Variants in MAP6 observed in about 807,000 individuals in gnomAD.
The protein encoded by MAP6 is microtubule-associated protein 6.
Under a neutral mutation model 42.4 loss-of-function variants are expected in MAP6, and 26 were observed. The observed-to-expected ratio is 0.61, with a 90% CI of 0.45 to 0.85. The LOEUF (loss-of-function observed/expected upper bound fraction) is 0.85, where lower values mean the gene tolerates loss of function less well. MAP6 is among the 40% of genes least tolerant of loss of function. The probability of loss-of-function intolerance (pLI) is 0.00; values close to 1 mark genes in which losing one functional copy is unlikely to be tolerated. For synonymous variants in MAP6, 418 were observed against 443.8 expected, an observed-to-expected ratio of 0.94 and a Z score of 0.73; for missense variants, 966 against 1,099.0, an observed-to-expected ratio of 0.88 and a Z score of 1.71.
At chr11:75,604,473 C>T (rs759869910) in intron 3 of MAP6, 229 of 985,272 alleles carry the variant, frequency 2.3e-4, no homozygotes, top group Non-Finnish European at 2.7e-4. Flanking sequence ...CCCAGTGTGT[C>T]AGAATGCCGG....
chr11:75,589,067 C>T (rs568221397), intron 3 of MAP6, among the ~76,000 whole-genome samples: 6 of 152,330 alleles, frequency 3.9e-5, no homozygotes, highest in African/African-American at 1.2e-4. Flanking sequence ...AATGGGACTC[C>T]GCTTTCAGGT....
At position 75,668,145 on chromosome 11, in the gene MAP6, C is replaced by T; in HGVS notation, c.225G>A (p.Glu75=). 2 of 1,220,442 alleles carry T rather than the reference C, an allele frequency of 1.6e-6. No individual in the cohort carries two copies. Among genetic ancestry groups the T allele is most frequent in the Non-Finnish European group, 2.0e-6 (2 of 985,082 alleles). The allele number at this position is 1,220,442 out of a possible 1,614,324, so 75.6% of individuals were successfully genotyped here. ...CCGTTGCCCGGGCAACTGCATCCAACTCGCCCTGGGCTGGCTGCGTCTCTA... is the reference window on the plus strand; with the variant it reads ...CCGTTGCCCGGGCAACTGCATCCAATTCGCCCTGGGCTGGCTGCGTCTCTA... ...VAIETQPAQG[E]LDAVARATGP... is the part of the protein sequence containing the mutation. The change falls in exon 1 of 4, where the codon GAG becomes GAA. Residue 75 remains glutamate (E), a synonymous_variant. Transcript: ENST00000304771.
rs937739313 is a variant in MAP6, at chr11:75,615,158, T to C, written c.906-6836A>G. On this transcript the variant is annotated intron_variant, in intron 1 of 3. Coordinates refer to ENST00000304771, the MANE Select transcript of MAP6 (RefSeq NM_033063.2). ...GAGGTTAACAGGGTGAGAGAAAACA[T>C]GGAACCTGGGCCAGATGATGATGAT... Among the ~76,000 whole-genome samples the C allele has an allele frequency of 7.2e-5, 11 of 152,270 alleles. No homozygotes were observed. The East Asian group carries it at 1.5e-3, about 21-fold the overall frequency.
At chr11:75,605,756 T>G in intron 3 of MAP6, 52 bp downstream of exon 3, 1 of 1,572,736 alleles carries the variant, frequency 6.4e-7, no homozygotes, top group Non-Finnish European at 8.6e-7. Flanking sequence ...AAAAAAAAGT[T>G]GGGGGGAGGG....
chr11:75,616,948 AAGC>A (rs1943004959), intron 1 of MAP6, among the ~76,000 whole-genome samples: 1 of 152,216 alleles, frequency 6.6e-6, no homozygotes, highest in Non-Finnish European at 1.5e-5. Flanking sequence ...GAAAAGTTTG[AAGC>A]TAATGTGAGT....
At position 75,633,366 on chromosome 11, in the gene MAP6, G is replaced by T. The variant is rs1425675929; in HGVS notation, c.906-25044C>A. On this transcript the variant is annotated intron_variant, in intron 1 of 3. Transcript: ENST00000304771. Reference sequence around the variant, plus strand: ...GGCAAACTTAGGATTTTTCTGTCAAGTAAGTATTTCATGAGGACATGCTAG... The same window carrying T: ...GGCAAACTTAGGATTTTTCTGTCAATTAAGTATTTCATGAGGACATGCTAG... 2.0e-5 allele frequency among the ~76,000 whole-genome samples: 3 copies of T among 152,176 alleles called. No individual in the cohort carries two copies. The East Asian group carries it at 5.8e-4, about 29-fold the overall frequency.
intron 1 of MAP6, among the ~76,000 whole-genome samples, chr11:75,628,840 A>T (rs749554158): frequency 6.6e-6 from 1 of 152,238 alleles, no homozygotes; most frequent in African/African-American, 2.4e-5. Flanking sequence ...GATGAGCTGC[A>T]TTTGTTGAAC....
At chr11:75,657,192 G>A (rs1252061244) in intron 1 of MAP6, among the ~76,000 whole-genome samples, 3 of 150,494 alleles carry the variant, frequency 2.0e-5, no homozygotes, top group Admixed American at 6.7e-5. Flanking sequence ...TTCACTGCAA[G>A]CTTCACCTCC....
intron 3 of MAP6, chr11:75,597,206 C>T (rs1942594889): frequency 6.6e-6 from 1 of 152,224 alleles, no homozygotes; most frequent in South Asian, 2.1e-4. Context: ...AAAGTCGAAT[C>T]AAGATCTGGG....
At chr11:75,596,871 C>G (rs1369826773) in intron 3 of MAP6, among the ~76,000 whole-genome samples, 1 of 152,134 alleles carries the variant, frequency 6.6e-6, no homozygotes, top group Admixed American at 6.5e-5. Flanking sequence ...AGTCATTGAA[C>G]GTTTCAGAGC....
Position 75,667,888 on chromosome 11 carries a change from C to G in MAP6, c.482G>C (p.Arg161Pro). The G allele has an allele frequency of 6.9e-7, 1 of 1,444,122 alleles. No individual in the cohort carries two copies. The highest frequency in any genetic ancestry group is 9.1e-7 in the Non-Finnish European group (1 of 1,095,648). 89.5% of individuals were successfully genotyped at this position (1,444,122 alleles called of 1,614,324 possible). The change falls in exon 1 of 4, where the codon CGC becomes CCC. Residue 161 changes from arginine (R) to proline (P), a missense_variant. Around this residue, in one of 2 missense-constraint regions of MAP6, gnomAD observed 943 missense variants for 1,049.9 expected, o/e 0.90. Transcript: ENST00000304771. This position sits in a 1 kb window ranked among gnomAD's most constrained non-coding sequence, Gnocchi z 5.6. ...CCCGCGGCGCGGCAGCGGCCAGGCG[C>G]GGAAGTCCTTCTGGTACTGGGTCTC... ...ERETQYQKDF[R>P]AWPLPRRGDH...
rs1430665685 is a variant in MAP6 at position 75,587,745 on chromosome 11, G to A, written c.1756C>T (p.Pro586Ser). The A allele has an allele frequency of 1.2e-6, 2 of 1,609,170 alleles. No individual in the cohort carries two copies. The highest frequency in any genetic ancestry group is 3.3e-5 in the Admixed American group (2 of 59,726). ...TCCTTGACAGATGCTGAGACCATGG[G>A]ACCTTCATCCTTGACAGGTGCTGGG... ...MVPAPVKDEG[P>S]MVSASVKDQG... Residue 586 changes from proline to serine, a missense_variant, in exon 4 of 4, where the codon CCC becomes TCC. Around this residue, in one of 2 missense-constraint regions of MAP6, gnomAD observed 943 missense variants for 1,049.9 expected, o/e 0.90. Coordinates refer to ENST00000304771, the MANE Select transcript of MAP6 (RefSeq NM_033063.2).
chr11:75,628,714 A>G (rs1943237844), intron 1 of MAP6, among the ~76,000 whole-genome samples: 1 of 152,230 alleles, frequency 6.6e-6, no homozygotes, highest in South Asian at 2.1e-4. Context: ...TAAATATTGT[A>G]CAAGTTATGA....
At chr11:75,629,947 A>G (rs1194751034) in intron 1 of MAP6, among the ~76,000 whole-genome samples, 1 of 152,250 alleles carries the variant, frequency 6.6e-6, no homozygotes, top group Non-Finnish European at 1.5e-5. Context: ...ATGTCTTCTA[A>G]TATCCACCAC....
At chr11:75,611,219 T>A (rs1391316104) in intron 1 of MAP6, among the ~76,000 whole-genome samples, 1 of 152,218 alleles carries the variant, frequency 6.6e-6, no homozygotes, top group African/African-American at 2.4e-5. Context: ...CAGGACCCAA[T>A]CAGTGACAAC....
At chr11:75,641,513 G>T (rs566497890) in intron 1 of MAP6, among the ~76,000 whole-genome samples, 1 of 152,084 alleles carries the variant, frequency 6.6e-6, no homozygotes, top group African/African-American at 2.4e-5. Context: ...AATTTAGAAG[G>T]TCTGGGGTAG....
At chr11:75,629,427 T>C (rs1943250103) in intron 1 of MAP6, among the ~76,000 whole-genome samples, 2 of 152,122 alleles carry the variant, frequency 1.3e-5, no homozygotes, top group Admixed American at 1.3e-4. Context: ...TTGGGACTTC[T>C]GCAGGTCAAC....
chr11:75,656,406 G>A (rs1306052647), intron 1 of MAP6, among the ~76,000 whole-genome samples: 2 of 152,168 alleles, frequency 1.3e-5, no homozygotes, highest in Non-Finnish European at 2.9e-5. Context: ...GATAAGGGAA[G>A]GATAGCAAAG....
intron 1 of MAP6, among the ~76,000 whole-genome samples, chr11:75,640,021 CCA>C (rs1943435807): frequency 6.6e-6 from 1 of 152,130 alleles, no homozygotes; most frequent in Non-Finnish European, 1.5e-5. Flanking sequence ...TGGCTGGCGG[CCA>C]CAGAGTCCTC....
Sources: allele counts gnomAD v4.1 joint callset (sites outside exome capture counted in the v4.1 genomes callset), GRCh38; gene constraint gnomAD v4.1.1; regional missense constraint gnomAD v4.1.1; non-coding constraint Gnocchi (gnomAD v3.1); transcripts MANE v1.5; gene names NCBI Gene and HGNC (gene_info 2026-07-23, HGNC 2026-07-21).